USH2A: variants seen among roughly 807,000 people sequenced by gnomAD.
The protein encoded by USH2A is usherin.
A neutral mutation model predicts 538.9 loss-of-function variants in USH2A; 443 were observed. The ratio of observed to expected loss-of-function variants is 0.82; its 90% CI spans 0.76 to 0.89. The LOEUF (loss-of-function observed/expected upper bound fraction) is 0.89, where lower values mean the gene tolerates loss of function less well. USH2A is among the 40% of genes least tolerant of loss of function. The probability of loss-of-function intolerance (pLI) is 0.00; values close to 1 mark genes in which losing one functional copy is unlikely to be tolerated. For missense variants in USH2A, 6,633 were observed against 6,324.8 expected, an observed-to-expected ratio of 1.05 and a Z score of -1.65; for synonymous variants, 2,413 against 2,273.5, an observed-to-expected ratio of 1.06 and a Z score of -1.75.
At chr1:215,849,238 A>G (rs1478918547) in intron 44 of USH2A, among the ~76,000 whole-genome samples, 2 of 152,198 alleles carry the variant, frequency 1.3e-5, no homozygotes, top group African/African-American at 4.8e-5. Flanking sequence ...GGTTTTATAA[A>G]ATATTTGCAT....
chr1:215,977,260 G>A (rs1667642929), intron 35 of USH2A, among the ~76,000 whole-genome samples: 1 of 152,104 alleles, frequency 6.6e-6, no homozygotes, highest in African/African-American at 2.4e-5. Flanking sequence ...TCTTCTAGGT[G>A]AGATGTTAGT....
rs553586048 is a variant in USH2A, at chr1:216,153,823, G to A, written c.4627+21429C>T. Among the ~76,000 whole-genome samples, 5 of 152,278 alleles carry A rather than the reference G, an allele frequency of 3.3e-5. No individual in the cohort carries two copies. The East Asian group carries it at 9.6e-4, about 29-fold the overall frequency. On this transcript the variant is annotated intron_variant, in intron 21 of 71. Transcript: ENST00000307340. Reference sequence around the variant, plus strand: ...TGCACAGTTTTGTGAAGTAAACAAGGAGAGAACAGCATCAGATGTAGGCTG... The same window carrying A: ...TGCACAGTTTTGTGAAGTAAACAAGAAGAGAACAGCATCAGATGTAGGCTG...
chr1:215,999,216 C>G (rs1668208987), intron 33 of USH2A, among the ~76,000 whole-genome samples, 158 bp from the exon 34 acceptor site: 1 of 152,102 alleles, frequency 6.6e-6, no homozygotes, highest in African/African-American at 2.4e-5. Context: ...AAGTAGTTAT[C>G]CAATGCCTAT....
chr1:215,724,094 C>G (rs1354694485), intron 61 of USH2A, among the ~76,000 whole-genome samples: 1 of 151,746 alleles, frequency 6.6e-6, no homozygotes, highest in East Asian at 1.9e-4. Flanking sequence ...ATATCTATAT[C>G]TATATCATCT....
intron 9 of USH2A, among the ~76,000 whole-genome samples, chr1:216,312,196 A>G (rs2037434474): frequency 6.6e-6 from 1 of 151,892 alleles, no homozygotes; most frequent in African/African-American, 2.4e-5. Flanking sequence ...GTCAACACCT[A>G]ACTATTTAAC....
intron 4 of USH2A, among the ~76,000 whole-genome samples, chr1:216,333,388 A>G (rs1284780912): frequency 6.6e-6 from 1 of 152,112 alleles, no homozygotes; most frequent in Non-Finnish European, 1.5e-5. Context: ...GAACTTGAAT[A>G]CAGGTCAATT....
At chr1:216,309,015 T>C (rs571253503) in intron 9 of USH2A, among the ~76,000 whole-genome samples, 1 of 152,250 alleles carries the variant, frequency 6.6e-6, no homozygotes, top group South Asian at 2.1e-4. Context: ...TGGAGCCAAA[T>C]GGAAAAAGTT....
chr1:215,962,583 A>G (rs1398824218), intron 37 of USH2A, among the ~76,000 whole-genome samples: 4 of 152,088 alleles, frequency 2.6e-5, no homozygotes, highest in Non-Finnish European at 5.9e-5. Flanking sequence ...TGGTATCATT[A>G]GTATAAAATG....
chr1:216,197,485 T>G (rs1051275508), intron 18 of USH2A, among the ~76,000 whole-genome samples: 2 of 152,132 alleles, frequency 1.3e-5, no homozygotes, highest in Non-Finnish European at 2.9e-5. Flanking sequence ...CATGGCTCTA[T>G]TATTTGTCCA....
chr1:215,805,218 G>T (rs1321028384), intron 49 of USH2A, among the ~76,000 whole-genome samples: 1 of 151,872 alleles, frequency 6.6e-6, no homozygotes, highest in African/African-American at 2.4e-5. Context: ...ATACCAACAT[G>T]GCACATGTAT....
At chr1:215,775,858 A>C (rs1661446894) in intron 55 of USH2A, among the ~76,000 whole-genome samples, 1 of 152,210 alleles carries the variant, frequency 6.6e-6, no homozygotes, top group South Asian at 2.1e-4. Context: ...AACGAAAGTA[A>C]ATTATTCTTT....
chr1:216,232,915 G>A (rs1373191479), intron 13 of USH2A, among the ~76,000 whole-genome samples: 2 of 152,164 alleles, frequency 1.3e-5, no homozygotes, highest in African/African-American at 4.8e-5. Flanking sequence ...ACAGAAGATT[G>A]AGAAGGTTAA....
rs576979476 is a variant in USH2A, at chr1:215,934,478, T to G, written c.7300+138A>C. Reference sequence around the variant, plus strand: ...TGAATAAACAAAGCAAAACAACAACTATTAAAAGAACCAGAAATACAATTG... The same window carrying G: ...TGAATAAACAAAGCAAAACAACAACGATTAAAAGAACCAGAAATACAATTG... On this transcript the variant is annotated intron_variant, in intron 38 of 71. Transcript: ENST00000307340. The G allele has an allele frequency of 8.8e-6, 8 of 905,844 alleles. No individual in the cohort carries two copies. The African/African-American group carries it at 1.4e-4, about 15-fold the overall frequency. The allele number at this position is 905,844 out of a possible 1,614,324, so 56.1% of individuals were successfully genotyped here. A position where few individuals can be genotyped will look rare whatever the true frequency, so the allele number is the denominator to read the frequency against.
chr1:216,019,126 G>A lies in USH2A; in HGVS notation c.6326-18564C>T, dbSNP rs142038910. On this transcript the variant is annotated intron_variant, in intron 32 of 71. Coordinates refer to ENST00000307340, the MANE Select transcript of USH2A (RefSeq NM_206933.4). ...ACAATATTTTCCTAGAATTTTATCTGGCTAGAAGAATATACAATACTTCAA... is the reference window on the plus strand; with the variant it reads ...ACAATATTTTCCTAGAATTTTATCTAGCTAGAAGAATATACAATACTTCAA... 9.2e-3 allele frequency among the ~76,000 whole-genome samples: 1,407 copies of A among 152,112 alleles called. 12 individuals carry two copies. Among genetic ancestry groups the A allele is most frequent in the Non-Finnish European group, 0.013 (854 of 68,006 alleles).
intron 60 of USH2A, among the ~76,000 whole-genome samples, chr1:215,737,402 T>A (rs1434409494): frequency 6.6e-6 from 1 of 151,956 alleles, no homozygotes; most frequent in African/African-American, 2.4e-5. Context: ...ATTTAAATAG[T>A]CATTAAATCT....
chr1:216,132,117 T>A (rs1157316271), intron 21 of USH2A, among the ~76,000 whole-genome samples: 1 of 152,118 alleles, frequency 6.6e-6, no homozygotes, highest in East Asian at 1.9e-4. Context: ...ATAATATTTA[T>A]CTTATTCTGC....
chr1:216,281,874 T>TG (rs1426382136), intron 11 of USH2A, among the ~76,000 whole-genome samples: 1 of 148,222 alleles, frequency 6.7e-6, no homozygotes, highest in East Asian at 2.0e-4. Context: ...TGTTTTTTTT[T>TG]TTTTTTTTTT....
At chr1:215,933,014 C>G (rs1469288262) in intron 38 of USH2A, among the ~76,000 whole-genome samples, 1 of 151,754 alleles carries the variant, frequency 6.6e-6, no homozygotes, top group East Asian at 1.9e-4. Flanking sequence ...AAAACATAAA[C>G]AATGAATTAA....
chr1:215,744,297 T>G (rs1238703414), intron 58 of USH2A, among the ~76,000 whole-genome samples: 1 of 152,232 alleles, frequency 6.6e-6, no homozygotes, highest in Non-Finnish European at 1.5e-5. Flanking sequence ...TCAACAATTG[T>G]CATTTTTCAC....
Sources: gnomAD v4.1 joint callset for allele counts (sites outside exome capture counted in the v4.1 genomes callset) on GRCh38, gnomAD v4.1.1 for gene constraint, MANE v1.5 for transcripts, NCBI Gene and HGNC (gene_info 2026-07-23, HGNC 2026-07-21) for gene names.